UBQLN1: variants seen among roughly 807,000 people sequenced by gnomAD.
The protein encoded by UBQLN1 is ubiquilin-1.
In UBQLN1, 13 loss-of-function variants were observed where a neutral mutation model predicts 65.4. The observed-to-expected ratio is 0.20, with a 90% CI of 0.13 to 0.32. UBQLN1 has a LOEUF of 0.32. Among genes scored for constraint, UBQLN1 ranks in the 10% least tolerant of loss-of-function variants. The pLI, the probability that UBQLN1 is intolerant of heterozygous loss-of-function variation, is 1.00. For missense variants in UBQLN1, 561 were observed against 724.0 expected (o/e 0.77, Z 2.58); for synonymous variants, 267 against 247.8 (o/e 1.08, Z -0.73).
intron 9 of UBQLN1, among the ~76,000 whole-genome samples, 169 bp downstream of exon 9, chr9:83,664,861 G>A (rs890455795): frequency 6.8e-6 from 1 of 146,072 alleles, no homozygotes; most frequent in Admixed American, 7.1e-5. Flanking sequence ...CGAGGCTGCA[G>A]TGAGCCACAA....
chr9:83,695,790 CAT>C (rs1564171678), intron 1 of UBQLN1, among the ~76,000 whole-genome samples: 1 of 152,168 alleles, frequency 6.6e-6, no homozygotes, highest in Non-Finnish European at 1.5e-5. Context: ...CAAATACACA[CAT>C]ATATTTTCAT....
intron 5 of UBQLN1, among the ~76,000 whole-genome samples, 186 bp from the exon 6 acceptor site, chr9:83,678,147 G>A (rs533207282): frequency 0.01 from 1,565 of 150,810 alleles, 28 homozygotes; most frequent in African/African-American, 0.037. Flanking sequence ...TCAGCCTCCC[G>A]AGTAGCTGGG....
At position 83,707,905 on chromosome 9, in the gene UBQLN1, C is replaced by A. The variant is rs1406283437; in HGVS notation, c.-226G>T. The A allele has an allele frequency of 1.0e-4, 56 of 561,540 alleles. 1 individual carries two copies. The East Asian group carries it at 2.0e-3, about 20-fold the overall frequency. The allele number at this position is 561,540 out of a possible 1,614,324, so 34.8% of individuals were successfully genotyped here. A position where few individuals can be genotyped will look rare whatever the true frequency, so the allele number is the denominator to read the frequency against. On this transcript the variant is annotated 5_prime_UTR_variant, in exon 1 of 11. Transcript: ENST00000376395. ...AGGCGCTCGGCAGCCGCCGTGTGTT[C>A]AGGCGCCGCTCGCTCACACCGACAT...
intron 1 of UBQLN1, among the ~76,000 whole-genome samples, chr9:83,692,443 T>G (rs1054083120): frequency 2.6e-5 from 4 of 152,202 alleles, no homozygotes; most frequent in African/African-American, 7.2e-5. Context: ...AGAAACTAAA[T>G]AGTATTGATA....
chr9:83,690,424 T>G (rs1587656305), intron 1 of UBQLN1, among the ~76,000 whole-genome samples: 1 of 152,340 alleles, frequency 6.6e-6, no homozygotes, highest in East Asian at 1.9e-4. Context: ...AGTGGTTACC[T>G]TAAGTTTGCA....
At chr9:83,707,468 C>T (rs1313897262) in intron 1 of UBQLN1, 32 bp downstream of exon 1, 3 of 1,588,848 alleles carry the variant, frequency 1.9e-6, no homozygotes, top group South Asian at 1.1e-5. Context: ...TGCCGCCACC[C>T]CCATCCCGGC....
chr9:83,695,127 T>C (rs1216964592), intron 1 of UBQLN1, among the ~76,000 whole-genome samples: 3 of 150,042 alleles, frequency 2.0e-5, no homozygotes, highest in Non-Finnish European at 4.4e-5. Flanking sequence ...AACATATAAA[T>C]ACCTTTCTGG....
intron 1 of UBQLN1, among the ~76,000 whole-genome samples, chr9:83,698,420 G>A (rs1463006051): frequency 6.6e-6 from 1 of 152,138 alleles, no homozygotes; most frequent in Non-Finnish European, 1.5e-5. Context: ...ATATTTCAAA[G>A]ACTTAGTATT....
intron 10 of UBQLN1, among the ~76,000 whole-genome samples, chr9:83,662,273 T>TACACACACACACACACAC (rs370539805): frequency 7.0e-5 from 10 of 143,348 alleles, no homozygotes; most frequent in Non-Finnish European, 1.5e-4. Flanking sequence ...CATATACATA[T>TACACACACACACACACAC]ACACACACAC....
At chr9:83,670,749 C>A (rs7046251) in intron 6 of UBQLN1, among the ~76,000 whole-genome samples, 4,400 of 152,158 alleles carry the variant, frequency 0.029, 221 homozygotes, top group African/African-American at 0.1. Context: ...AAAATTGGAG[C>A]CAATCCTCTC....
In UBQLN1 at chr9:83,707,579, G is replaced by T. The variant is rs1219872274; in HGVS notation, c.101C>A (p.Pro34His). 1 of 1,608,010 alleles carries T rather than the reference G, an allele frequency of 6.2e-7. No individual in the cohort carries two copies. The highest frequency in any genetic ancestry group is 8.5e-7 in the Non-Finnish European group (1 of 1,177,650). ...CTTCACGGTGACTTTCATGATTTTG[G>T]GCTCCGCGGAGGCAGCGGCCGCGGG... ...GAPAAAASAE[P>H]KIMKVTVKTP... is the part of the protein sequence containing the mutation. The change falls in exon 1 of 11, where the codon CCC (proline) becomes CAC (histidine). Residue 34 changes from proline (P) to histidine (H), a missense_variant. Pro to His is a moderately conservative substitution (Grantham distance 77). Transcript: ENST00000376395.
intron 1 of UBQLN1, among the ~76,000 whole-genome samples, chr9:83,698,159 T>C (rs77539237): frequency 8.5e-4 from 130 of 152,348 alleles, no homozygotes; most frequent in African/African-American, 3.0e-3. Context: ...TTGGCCATTA[T>C]GTCATTGTCA....
In UBQLN1 at chr9:83,707,656, G is replaced by A. The variant is rs756702954; in HGVS notation, c.24C>T (p.Gly8=). 1.3e-6 allele frequency: 2 copies of A among 1,558,842 alleles called. No homozygotes were observed. The highest frequency in any genetic ancestry group is 1.2e-5 in the South Asian group (1 of 85,722). Residue 8 remains glycine, a synonymous_variant, in exon 1 of 11, where the codon GGC becomes GGT. Transcript: ENST00000376395. The part of the protein sequence containing the change: MAESGES[G]GPPGSQDSAA... ...CGCTATCCTGGGAGCCCGGAGGACCGCCGCTTTCACCACTCTCGGCCATGG... is the reference window on the plus strand; with the variant it reads ...CGCTATCCTGGGAGCCCGGAGGACCACCGCTTTCACCACTCTCGGCCATGG...
At chr9:83,662,556 AT>A (rs1486926633) in intron 10 of UBQLN1, among the ~76,000 whole-genome samples, 1 of 152,168 alleles carries the variant, frequency 6.6e-6, no homozygotes, top group Non-Finnish European at 1.5e-5. Context: ...AAAAAAAAAA[AT>A]CTCCATATAA....
Position 83,683,402 on chromosome 9 carries a change from G to A in UBQLN1, c.333-336C>T, listed in dbSNP as rs560633798. Among the ~76,000 whole-genome samples the A allele has an allele frequency of 2.8e-4, 34 of 120,514 alleles. No individual in the cohort carries two copies. The South Asian group carries it at 3.7e-3, about 13-fold the overall frequency. 79.1% of individuals were successfully genotyped at this position (120,514 alleles called of 152,430 possible). On this transcript the variant is annotated intron_variant, in intron 2 of 10. Coordinates refer to ENST00000376395, the MANE Select transcript of UBQLN1 (RefSeq NM_013438.5). ...CTCCGTCCAGCCTGGGCAACAGAGCGAGACTCCGTCTCAAAAAAAAAAAAA... is the reference window on the plus strand; with the variant it reads ...CTCCGTCCAGCCTGGGCAACAGAGCAAGACTCCGTCTCAAAAAAAAAAAAA...
At position 83,661,523 on chromosome 9, in the gene UBQLN1, C is replaced by T. The variant is rs1831560722; in HGVS notation, c.*264G>A. The T allele has an allele frequency of 6.5e-6, 2 of 307,100 alleles. No individual in the cohort carries two copies. Among genetic ancestry groups the T allele is most frequent in the Non-Finnish European group, 1.2e-5 (2 of 168,250 alleles). The allele number at this position is 307,100 out of a possible 1,614,324, so 19.0% of individuals were successfully genotyped here. On this transcript the variant is annotated 3_prime_UTR_variant, in exon 11 of 11. Transcript: ENST00000376395. ...ACAGATGCAGGACAAAATCTGGTCA[C>T]CCAACTATAAAAGGTGATGTTTTTA...
At chr9:83,697,010 A>G (rs939760153) in intron 1 of UBQLN1, among the ~76,000 whole-genome samples, 3 of 152,152 alleles carry the variant, frequency 2.0e-5, no homozygotes, top group African/African-American at 7.2e-5. Context: ...TCTTGGGCTC[A>G]AGTAATTCTC....
chr9:83,677,746 A>G lies in UBQLN1; in HGVS notation c.1086T>C (p.Asn362=). The change falls in exon 6 of 11, where the codon AAT becomes AAC. Residue 362 remains asparagine, a synonymous_variant. Coordinates refer to ENST00000376395, the MANE Select transcript of UBQLN1 (RefSeq NM_013438.5). ...GTSGQSTTAP[N]LVPGVGASMF... ...GCATACCTCCTACTCCAGGCACCAA[A>G]TTTGGCGCAGTAGTACTCTGCCCAG... is the stretch of plus-strand genomic sequence containing the variant. The G allele has an allele frequency of 6.2e-7, 1 of 1,612,484 alleles. No individual in the cohort carries two copies. The highest frequency in any genetic ancestry group is 8.5e-7 in the Non-Finnish European group (1 of 1,178,760).
chr9:83,678,649 C>T (rs373018792), intron 4 of UBQLN1, 50 bp from the exon 5 acceptor site: 5 of 1,525,442 alleles, frequency 3.3e-6, no homozygotes, highest in African/African-American at 1.4e-5. Context: ...TTGAAATACA[C>T]ATGAATTACA....
Sources: gnomAD v4.1 joint callset for allele counts (sites outside exome capture counted in the v4.1 genomes callset) on GRCh38, gnomAD v4.1.1 for gene constraint, MANE v1.5 for transcripts, NCBI Gene and HGNC (gene_info 2026-07-23, HGNC 2026-07-21) for gene names.